Variants in C7orf78 observed in about 807,000 individuals in gnomAD.
The protein encoded by C7orf78 is putative uncharacterized protein C7orf78.
chr7:12,508,344 G>A, the C7orf78 span, among the ~76,000 whole-genome samples: 1 of 151,680 alleles, frequency 6.6e-6, no homozygotes, highest in Non-Finnish European at 1.5e-5. Flanking sequence ...AAGTTTCTAA[G>A]TTTTTTTTAA....
At chr7:12,490,560 G>C in the C7orf78 span, among the ~76,000 whole-genome samples, 1 of 152,088 alleles carries the variant, frequency 6.6e-6, no homozygotes, top group Non-Finnish European at 1.5e-5. Flanking sequence ...AGTAGGGATA[G>C]GATATGGGGA....
At chr7:12,494,718 T>C in the C7orf78 span, among the ~76,000 whole-genome samples, 9 of 152,220 alleles carry the variant, frequency 5.9e-5, no homozygotes, top group Non-Finnish European at 1.3e-4. Context: ...TGAGGTTCTG[T>C]GGTGCAATAA....
the C7orf78 span, among the ~76,000 whole-genome samples, chr7:12,495,421 T>G: frequency 6.6e-6 from 1 of 152,244 alleles, no homozygotes; most frequent in Admixed American, 6.5e-5. Context: ...AGTCGTCTTA[T>G]TGTGCTGATA....
chr7:12,527,974 A>C, the C7orf78 span, among the ~76,000 whole-genome samples: 4 of 149,410 alleles, frequency 2.7e-5, no homozygotes, highest in African/African-American at 9.9e-5. Context: ...CAGCTTTCCT[A>C]GTATATGCTA....
At chr7:12,499,201 A>G in the C7orf78 span, among the ~76,000 whole-genome samples, 9 of 152,184 alleles carry the variant, frequency 5.9e-5, no homozygotes, top group African/African-American at 1.2e-4. Context: ...ACCAGCTAAC[A>G]TCATAATGAC....
chr7:12,489,290 T>TC, the C7orf78 span, among the ~76,000 whole-genome samples: 2 of 152,070 alleles, frequency 1.3e-5, no homozygotes, highest in Non-Finnish European at 2.9e-5. Flanking sequence ...ATGCATTGTT[T>TC]CCCCTCATTT....
chr7:12,529,832 A>T, the C7orf78 span, among the ~76,000 whole-genome samples: 1 of 152,224 alleles, frequency 6.6e-6, no homozygotes, highest in Non-Finnish European at 1.5e-5. Flanking sequence ...TATTGAGTAC[A>T]GCAGCAGAGG....
chr7:12,515,952 C>T, the C7orf78 span, among the ~76,000 whole-genome samples: 1 of 152,124 alleles, frequency 6.6e-6, no homozygotes, highest in East Asian at 1.9e-4. Flanking sequence ...AAATTTGCAG[C>T]CTGACAATGT....
the C7orf78 span, among the ~76,000 whole-genome samples, chr7:12,527,193 C>G: frequency 7.1e-6 from 1 of 140,552 alleles, no homozygotes; most frequent in South Asian, 2.3e-4. Context: ...CTAGTATATG[C>G]TATGTGTCAC....
At chr7:12,507,846 C>T in the C7orf78 span, among the ~76,000 whole-genome samples, 356 of 152,212 alleles carry the variant, frequency 2.3e-3, no homozygotes, top group South Asian at 0.023. Flanking sequence ...GAAACCTTTC[C>T]AGTTTTCCCA....
the C7orf78 span, among the ~76,000 whole-genome samples, chr7:12,493,889 G>C: frequency 6.6e-6 from 1 of 152,178 alleles, no homozygotes; most frequent in Non-Finnish European, 1.5e-5. Context: ...CTATCAGGAA[G>C]GCACGAAGAT....
chr7:12,518,959 G>A, the C7orf78 span, among the ~76,000 whole-genome samples: 2 of 152,120 alleles, frequency 1.3e-5, no homozygotes, highest in Non-Finnish European at 2.9e-5. Context: ...CTGATTTGAG[G>A]ATGTGCACTA....
At chr7:12,534,731 A>C in the C7orf78 span, among the ~76,000 whole-genome samples, 1 of 152,006 alleles carries the variant, frequency 6.6e-6, no homozygotes, top group Admixed American at 6.6e-5. Context: ...AGTGGGAGGA[A>C]CTCTTGAGCC....
the C7orf78 span, among the ~76,000 whole-genome samples, chr7:12,515,760 T>G: frequency 6.6e-6 from 1 of 152,288 alleles, no homozygotes; most frequent in East Asian, 1.9e-4. Context: ...TTGTTTTGTT[T>G]TAGCAAAGAG....
the C7orf78 span, among the ~76,000 whole-genome samples, chr7:12,535,073 A>C: frequency 3.9e-5 from 6 of 152,228 alleles, no homozygotes; most frequent in African/African-American, 1.4e-4. Flanking sequence ...AAATGTGTTC[A>C]TCTTCACAAG....
the C7orf78 span, among the ~76,000 whole-genome samples, chr7:12,485,931 G>A: frequency 0.095 from 14,497 of 152,102 alleles, 848 homozygotes; most frequent in Non-Finnish European, 0.13. Context: ...AGATAGATCC[G>A]ATAAATCACT....
the C7orf78 span, among the ~76,000 whole-genome samples, chr7:12,537,800 C>T: frequency 2.0e-5 from 3 of 152,024 alleles, no homozygotes; most frequent in African/African-American, 4.8e-5. Context: ...ATAGATTATA[C>T]AGCAAAGAAA....
the C7orf78 span, among the ~76,000 whole-genome samples, chr7:12,537,032 T>C: frequency 1.3e-5 from 2 of 152,204 alleles, no homozygotes; most frequent in Non-Finnish European, 2.9e-5. Flanking sequence ...TTCCAACCCC[T>C]GTCTGTTACC....
chr7:12,514,543 G>A, the C7orf78 span, among the ~76,000 whole-genome samples: 1 of 151,660 alleles, frequency 6.6e-6, no homozygotes, highest in South Asian at 2.1e-4. Flanking sequence ...TACTTTCAAG[G>A]TTATTATTGA....
Sources: allele counts gnomAD v4.1 joint callset (sites outside exome capture counted in the v4.1 genomes callset), GRCh38; gene constraint gnomAD v4.1.1; transcripts MANE v1.5; gene names NCBI Gene and HGNC (gene_info 2026-07-23, HGNC 2026-07-21).